IARS2: variants seen among roughly 807,000 people sequenced by gnomAD.
The protein encoded by IARS2 is isoleucyl-tRNA synthetase 2, mitochondrial.
Under a neutral mutation model 126.3 loss-of-function variants are expected in IARS2, and 56 were observed. The ratio of observed to expected loss-of-function variants is 0.44; its 90% CI spans 0.36 to 0.55. The LOEUF (loss-of-function observed/expected upper bound fraction) is 0.55, where lower values mean the gene tolerates loss of function less well. Among genes scored for constraint, IARS2 ranks in the 20% least tolerant of loss-of-function variants. The pLI is 0.00. For missense variants in IARS2, 1,127 were observed against 1,245.9 expected (o/e 0.90, Z 1.44); for synonymous variants, 407 against 441.1 (o/e 0.92, Z 0.97).
At chr1:220,117,997 G>A (rs757724264) in intron 12 of IARS2, 10 of 448,456 alleles carry the variant, frequency 2.2e-5, no homozygotes, top group African/African-American at 1.0e-4. Flanking sequence ...GATCTTTTTG[G>A]TGTTACAAAA....
intron 11 of IARS2, among the ~76,000 whole-genome samples, chr1:220,113,114 C>T (rs1450162779): frequency 2.0e-5 from 3 of 152,176 alleles, no homozygotes; most frequent in Non-Finnish European, 4.4e-5. Context: ...ATCCGCCCTC[C>T]TCAGCCTCCC....
At chr1:220,138,107 GAGACAC>G in intron 17 of IARS2, 64 bp downstream of exon 17, 1 of 1,545,712 alleles carries the variant, frequency 6.5e-7, no homozygotes, top group Non-Finnish European at 8.9e-7. Flanking sequence ...TTTAAAAAAT[GAGACAC>G]ATTTTGTTTG....
At chr1:220,141,589 CAG>C (rs1200738983) in intron 19 of IARS2, among the ~76,000 whole-genome samples, 2 of 152,270 alleles carry the variant, frequency 1.3e-5, no homozygotes, top group East Asian at 3.9e-4. Context: ...ACCTGAGAAA[CAG>C]AATGAGATAG....
At chr1:220,134,583 G>T in intron 15 of IARS2, 73 bp downstream of exon 15, 1 of 817,844 alleles carries the variant, frequency 1.2e-6, no homozygotes, top group South Asian at 2.1e-5. Flanking sequence ...GTACTACAGA[G>T]ATGATAAGGC....
At chr1:220,098,643 G>A (rs1051866618) in intron 2 of IARS2, among the ~76,000 whole-genome samples, 8 of 150,690 alleles carry the variant, frequency 5.3e-5, no homozygotes, top group Non-Finnish European at 8.9e-5. Context: ...CTCAAACAAA[G>A]CAATGCATGA....
chr1:220,147,001 G>A (rs1470472028), intron 22 of IARS2, among the ~76,000 whole-genome samples: 1 of 152,130 alleles, frequency 6.6e-6, no homozygotes, highest in Non-Finnish European at 1.5e-5. Context: ...TTTGTACAAT[G>A]ACTAGAAAAT....
rs573183590 is a variant in IARS2, at chr1:220,095,391, T to C, written c.268-713T>C. Reference sequence around the variant, plus strand: ...TCCTCTTTAGCTTCTGTAATTCTAGTCTTTAAAAATCCCTGATATTCTTGG... The same window carrying C: ...TCCTCTTTAGCTTCTGTAATTCTAGCCTTTAAAAATCCCTGATATTCTTGG... On this transcript the variant is annotated intron_variant, in intron 1 of 22. Transcript: ENST00000366922. Among the ~76,000 whole-genome samples, 92 of 152,330 alleles carry C rather than the reference T, an allele frequency of 6.0e-4. 2 individuals are homozygous for C. The South Asian group carries it at 0.019, about 31-fold the overall frequency.
At chr1:220,115,438 G>A (rs1337809930) in intron 12 of IARS2, among the ~76,000 whole-genome samples, 2 of 150,642 alleles carry the variant, frequency 1.3e-5, no homozygotes, top group East Asian at 3.9e-4. Flanking sequence ...GCGCGGGCCT[G>A]TAATCTCAGC....
intron 11 of IARS2, 103 bp downstream of exon 11, chr1:220,111,040 C>A: frequency 9.7e-7 from 1 of 1,032,234 alleles, no homozygotes. Context: ...ATAGGGATTG[C>A]TGCTATTATG....
At chr1:220,112,377 A>G (rs1178988658) in intron 11 of IARS2, among the ~76,000 whole-genome samples, 2 of 57,648 alleles carry the variant, frequency 3.5e-5, no homozygotes, top group Non-Finnish European at 7.0e-5. Flanking sequence ...CTCATGATCC[A>G]CCCGCCTCGG....
chr1:220,131,320 T>A (rs1288940474), intron 14 of IARS2, among the ~76,000 whole-genome samples: 1 of 151,650 alleles, frequency 6.6e-6, no homozygotes, highest in African/African-American at 2.4e-5. Context: ...GGGATTATAG[T>A]CATGTGCCAC....
At chr1:220,098,957 A>G (rs1037876444) in intron 2 of IARS2, among the ~76,000 whole-genome samples, 2 of 152,186 alleles carry the variant, frequency 1.3e-5, no homozygotes, top group African/African-American at 4.8e-5. Flanking sequence ...TCTGGCCTGT[A>G]ATCCCAGCAC....
At chr1:220,140,431 T>G in intron 19 of IARS2, 142 bp downstream of exon 19, 1 of 576,046 alleles carries the variant, frequency 1.7e-6, no homozygotes, top group Non-Finnish European at 3.1e-6. Context: ...ATACAAAAAT[T>G]AGCCGGGCAT....
intron 22 of IARS2, among the ~76,000 whole-genome samples, chr1:220,146,725 G>A (rs1657601900): frequency 1.3e-5 from 2 of 152,116 alleles, no homozygotes; most frequent in Admixed American, 1.3e-4. Context: ...AGGCTGGAGT[G>A]CAATGGCGCA....
At chr1:220,122,087 T>C (rs1350714874) in intron 12 of IARS2, among the ~76,000 whole-genome samples, 1 of 152,138 alleles carries the variant, frequency 6.6e-6, no homozygotes, top group Non-Finnish European at 1.5e-5. Context: ...TAACACCTTG[T>C]CTCAAAAAAA....
chr1:220,099,068 C>G (rs1021994331), intron 2 of IARS2, among the ~76,000 whole-genome samples: 3 of 151,872 alleles, frequency 2.0e-5, no homozygotes, highest in Admixed American at 1.3e-4. Flanking sequence ...AAAAAATTAG[C>G]TGGGCATGGT....
chr1:220,134,258 G>T, intron 14 of IARS2, 144 bp from the exon 15 acceptor site: 1 of 564,118 alleles, frequency 1.8e-6, no homozygotes, highest in Non-Finnish European at 3.1e-6. Context: ...TCACTTTCTT[G>T]GTTAAGGTGG....
At chr1:220,140,954 AG>A (rs1255778510) in intron 19 of IARS2, among the ~76,000 whole-genome samples, 2 of 147,916 alleles carry the variant, frequency 1.4e-5, no homozygotes, top group African/African-American at 5.0e-5. Context: ...ACTGCACTTC[AG>A]CCTGGGCGAC....
intron 13 of IARS2, among the ~76,000 whole-genome samples, chr1:220,125,843 A>C (rs536454837): frequency 9.9e-5 from 15 of 152,222 alleles, no homozygotes; most frequent in African/African-American, 2.4e-5. Context: ...GCAGTGGTGC[A>C]CACCTGTAAT....
Sources: allele counts gnomAD v4.1 joint callset (sites outside exome capture counted in the v4.1 genomes callset), GRCh38; gene constraint gnomAD v4.1.1; transcripts MANE v1.5; gene names NCBI Gene and HGNC (gene_info 2026-07-23, HGNC 2026-07-21).